CACNA1E: variants seen among roughly 807,000 people sequenced by gnomAD.
CACNA1E encodes voltage-dependent R-type calcium channel subunit alpha-1E.
CACNA1E carries 40 observed loss-of-function variants against 259.2 expected under a neutral mutation model. That is an observed-to-expected ratio of 0.15 (90% CI 0.12 to 0.20). CACNA1E has a LOEUF of 0.20. Ranked by LOEUF, CACNA1E falls within the 10% of genes least tolerant of loss-of-function variation. The pLI is 1.00. For synonymous variants in CACNA1E, 1,104 were observed against 1,138.5 expected, an observed-to-expected ratio of 0.97 and a Z score of 0.61; for missense variants, 1,874 against 3,040.1, an observed-to-expected ratio of 0.62 and a Z score of 9.02.
At chr1:181,780,857 G>A (rs1660362940) in intron 38 of CACNA1E, among the ~76,000 whole-genome samples, 1 of 152,046 alleles carries the variant, frequency 6.6e-6, no homozygotes, top group South Asian at 2.1e-4. Flanking sequence ...GCCTCCTGCT[G>A]CACACACACA....
chr1:181,346,440 G>A (rs1330036640), intron 1 of CACNA1E, among the ~76,000 whole-genome samples: 4 of 152,172 alleles, frequency 2.6e-5, no homozygotes, highest in Non-Finnish European at 5.9e-5. Flanking sequence ...CAGTACAGTG[G>A]GCAGCCCCCA....
intron 1 of CACNA1E, among the ~76,000 whole-genome samples, chr1:181,487,356 C>T (rs756163993): frequency 3.9e-4 from 59 of 152,060 alleles, no homozygotes; most frequent in Non-Finnish European, 7.6e-4. Flanking sequence ...GTAATCTTAT[C>T]CAGTTATTAA....
chr1:181,729,760 G>A (rs948848989), intron 18 of CACNA1E, among the ~76,000 whole-genome samples: 5 of 152,336 alleles, frequency 3.3e-5, no homozygotes, highest in Non-Finnish European at 7.3e-5. Flanking sequence ...ATGCTTGTGT[G>A]TGTGAGAGAA....
At chr1:181,340,266 C>T (rs1652053839) in intron 1 of CACNA1E, among the ~76,000 whole-genome samples, 1 of 151,964 alleles carries the variant, frequency 6.6e-6, no homozygotes, top group South Asian at 2.1e-4. Context: ...GTATATGCAT[C>T]TGTTTCAGCA....
chr1:181,755,878 G>A lies in CACNA1E; in HGVS notation c.3990-78G>A, dbSNP rs115720666. 1,937 of 1,403,996 alleles carry A rather than the reference G, an allele frequency of 1.4e-3. 29 individuals are homozygous for A. The African/African-American group carries it at 0.022, about 16-fold the overall frequency. The allele number at this position is 1,403,996 out of a possible 1,614,324, so 87.0% of individuals were successfully genotyped here. On this transcript the variant is annotated intron_variant, in intron 28 of 47. Transcript: ENST00000367573. ...ATCATTATTACCCCCACATTATTGC[G>A]GCCTGTAGAATGTGCTGACTCTTCT... is the stretch of plus-strand genomic sequence containing the variant.
intron 3 of CACNA1E, among the ~76,000 whole-genome samples, chr1:181,541,604 T>G (rs1019753309): frequency 2.6e-5 from 4 of 152,198 alleles, no homozygotes; most frequent in Admixed American, 6.5e-5. Context: ...AAGGCTCTGT[T>G]TCTGGGCAAG....
At chr1:181,512,188 G>A (rs1337959130) in intron 3 of CACNA1E, among the ~76,000 whole-genome samples, 3 of 152,244 alleles carry the variant, frequency 2.0e-5, no homozygotes, top group Non-Finnish European at 2.9e-5. Flanking sequence ...TATAGTATGA[G>A]GAAGCTGGGT....
chr1:181,637,492 C>A (rs938860283), intron 6 of CACNA1E, among the ~76,000 whole-genome samples: 3 of 128,598 alleles, frequency 2.3e-5, no homozygotes, highest in Non-Finnish European at 4.8e-5. Flanking sequence ...TCCTTCCTTT[C>A]TGTGTGTCTT....
Position 181,744,839 on chromosome 1 carries a change from C to T in CACNA1E, c.3719+5586C>T, listed in dbSNP as rs529427501. The stretch of plus-strand genomic sequence containing the variant: ...AGTGCCCCTGTTCTGTGGAAGAGAA[C>T]GAAGGATTAAAATTAAATTTAGCCG... On this transcript the variant is annotated intron_variant, in intron 25 of 47. Transcript: ENST00000367573. 1.6e-4 allele frequency among the ~76,000 whole-genome samples: 25 copies of T among 152,262 alleles called. 1 individual carries two copies. In the Middle Eastern group the frequency reaches 0.017, roughly 104 times the overall value.
chr1:181,349,083 C>T (rs1652833712), intron 1 of CACNA1E, among the ~76,000 whole-genome samples: 1 of 117,942 alleles, frequency 8.5e-6, no homozygotes, highest in Non-Finnish European at 1.7e-5. Context: ...TTGGGGAGCT[C>T]TTGGGGACCC....
intron 7 of CACNA1E, among the ~76,000 whole-genome samples, chr1:181,668,195 T>A (rs1268334981): frequency 6.6e-6 from 1 of 152,248 alleles, no homozygotes; most frequent in Non-Finnish European, 1.5e-5. Context: ...CAACACATTC[T>A]TCTAATTTTG....
intron 6 of CACNA1E, among the ~76,000 whole-genome samples, chr1:181,616,201 G>A (rs1055471749): frequency 6.6e-6 from 1 of 152,110 alleles, no homozygotes; most frequent in Non-Finnish European, 1.5e-5. Flanking sequence ...TTAAGGTTAG[G>A]TTTCCTTAAT....
At chr1:181,731,290 G>C in intron 19 of CACNA1E, 59 bp downstream of exon 19, 6 of 1,336,612 alleles carry the variant, frequency 4.5e-6, no homozygotes, top group African/African-American at 1.4e-5. Flanking sequence ...GGGACAATGT[G>C]TCATTGTCCT....
chr1:181,562,265 A>G (rs1414627050), intron 3 of CACNA1E, among the ~76,000 whole-genome samples: 5 of 152,206 alleles, frequency 3.3e-5, no homozygotes, highest in African/African-American at 7.2e-5. Context: ...TTATATGCCC[A>G]TAGTCCAACA....
intron 35 of CACNA1E, among the ~76,000 whole-genome samples, chr1:181,769,444 G>GT (rs1252942162): frequency 0.019 from 2,679 of 142,882 alleles, 81 homozygotes; most frequent in African/African-American, 0.058. Context: ...CTGCTTTTTG[G>GT]TTTTTTTTTT....
At chr1:181,380,820 C>A (rs1655405709) in intron 1 of CACNA1E, among the ~76,000 whole-genome samples, 2 of 152,116 alleles carry the variant, frequency 1.3e-5, no homozygotes, top group Admixed American at 1.3e-4. Context: ...CATATACCTA[C>A]AAAATGATAT....
intron 2 of CACNA1E, among the ~76,000 whole-genome samples, chr1:181,440,232 T>A (rs537798152): frequency 6.6e-6 from 1 of 152,104 alleles, no homozygotes; most frequent in Admixed American, 6.5e-5. Context: ...TATGCTTCCA[T>A]AGAAGGAGAT....
rs1429239775 is a variant in CACNA1E at position 181,798,255 on chromosome 1, G to A, written c.6400-37G>A. ...GAGTTGCAAGTAGGGATCATGCCAAGCCCAATCTAACATGCCATGTCTCTC... is the reference window on the plus strand; with the variant it reads ...GAGTTGCAAGTAGGGATCATGCCAAACCCAATCTAACATGCCATGTCTCTC... On this transcript the variant is annotated intron_variant, in intron 47 of 47. Coordinates refer to ENST00000367573, the MANE Select transcript of CACNA1E (RefSeq NM_001205293.3). The surrounding 1 kb of genome is among the most constrained non-coding windows in gnomAD (Gnocchi z 4.2). 2.6e-6 allele frequency: 4 copies of A among 1,526,376 alleles called. No homozygotes were observed. The African/African-American group carries it at 5.5e-5, about 21-fold the overall frequency. The allele number at this position is 1,526,376 out of a possible 1,614,324, so 94.6% of individuals were successfully genotyped here. A position where few individuals can be genotyped will look rare whatever the true frequency, so the allele number is the denominator to read the frequency against.
upstream of CACNA1E, among the ~76,000 whole-genome samples, chr1:181,479,511 G>A (rs1314718883): frequency 1.3e-5 from 2 of 152,158 alleles, no homozygotes; most frequent in African/African-American, 4.8e-5. Context: ...GAAGGAGAAT[G>A]CCCACCAAAT....
Sources: allele counts gnomAD v4.1 joint callset (sites outside exome capture counted in the v4.1 genomes callset), GRCh38; gene constraint gnomAD v4.1.1; non-coding constraint Gnocchi (gnomAD v3.1); transcripts MANE v1.5; gene names NCBI Gene and HGNC (gene_info 2026-07-23, HGNC 2026-07-21).